Variants in NKD2 observed in about 807,000 individuals in gnomAD.
NKD2 encodes NKD inhibitor of Wnt signaling pathway 2.
NKD2 carries 43 observed loss-of-function variants against 34.8 expected under a neutral mutation model. The observed-to-expected ratio is 1.24, with a 90% CI of 0.97 to 1.60. The LOEUF is 1.60. Among genes scored for constraint, NKD2 ranks in the 40% most tolerant of loss-of-function variants. The pLI, the probability that NKD2 is intolerant of heterozygous loss-of-function variation, is 0.00. For missense variants in NKD2, 675 were observed against 627.1 expected, an observed-to-expected ratio of 1.08 and a Z score of -0.82; for synonymous variants, 278 against 265.1, an observed-to-expected ratio of 1.05 and a Z score of -0.47.
At chr5:1,033,576 A>G in intron 5 of NKD2, 77 bp downstream of exon 5, 1 of 1,451,928 alleles carries the variant, frequency 6.9e-7, no homozygotes, top group Non-Finnish European at 9.2e-7. Context: ...GTGTTGCCCT[A>G]AACTGGGCAT....
Position 1,038,257 on chromosome 5 carries a change from C to G in NKD2, c.1240C>G (p.Leu414Val). The G allele has an allele frequency of 1.3e-6, 2 of 1,582,014 alleles. No homozygotes were observed. The highest frequency in any genetic ancestry group is 8.6e-7 in the Non-Finnish European group (1 of 1,167,820). ...AGTGGAGCACGAGGTGGTGCGGGAC[C>G]TGCCGCCCACGCCAGCAGGAGAGGG... ...ATVEHEVVRDLPPTPAGEGYA... is the reference protein window; with the variant it reads ...ATVEHEVVRDVPPTPAGEGYA... The change falls in exon 10 of 10, where the codon CTG becomes GTG. Residue 414 changes from leucine (L) to valine (V), a missense_variant. Transcript: ENST00000296849. This position sits in a 1 kb window ranked among gnomAD's most constrained non-coding sequence, Gnocchi z 4.5.
intron 7 of NKD2, 143 bp from the exon 8 acceptor site, chr5:1,035,246 A>G (rs1457194966): frequency 1.4e-6 from 1 of 714,468 alleles, no homozygotes; most frequent in African/African-American, 1.8e-5. Context: ...GAATGAGTGA[A>G]CAAGTGAGTG....
intron 3 of NKD2, among the ~76,000 whole-genome samples, chr5:1,018,535 G>A (rs549384610): frequency 6.6e-6 from 1 of 152,280 alleles, no homozygotes; most frequent in South Asian, 2.1e-4. Flanking sequence ...GCTCACGTGT[G>A]TTGGGGGGAG....
At chr5:1,010,187 A>G (rs1755695119) in intron 3 of NKD2, among the ~76,000 whole-genome samples, 1 of 151,942 alleles carries the variant, frequency 6.6e-6, no homozygotes, top group Admixed American at 6.5e-5. Context: ...TGCTATGTCC[A>G]GGAGCAGAGA....
chr5:1,033,556 G>A, intron 5 of NKD2, 57 bp downstream of exon 5: 2 of 1,509,820 alleles, frequency 1.3e-6, no homozygotes, highest in Non-Finnish European at 1.8e-6. Context: ...GGGGGCTCAG[G>A]GACAGGCATG....
At chr5:1,015,172 C>T (rs951624551) in intron 3 of NKD2, among the ~76,000 whole-genome samples, 1 of 152,214 alleles carries the variant, frequency 6.6e-6, no homozygotes, top group South Asian at 2.1e-4. Context: ...TGCGTGAGTC[C>T]GTGAGCTTGT....
At position 1,036,247 on chromosome 5, in the gene NKD2, C is replaced by T. The variant is rs376572676; in HGVS notation, c.660-10C>T. 3.0e-5 allele frequency: 48 copies of T among 1,586,796 alleles called. No homozygotes were observed. In the African/African-American group the frequency reaches 5.7e-4, roughly 19 times the overall value. On this transcript the variant is annotated splice_polypyrimidine_tract_variant and intron_variant, in intron 8 of 9. Transcript: ENST00000296849. ...TGCGGGGGTCAGGCCCTTCTCTGTGCTCCAAGCAGGAGGCCCAGTACTGAC... is the reference window on the plus strand; with the variant it reads ...TGCGGGGGTCAGGCCCTTCTCTGTGTTCCAAGCAGGAGGCCCAGTACTGAC...
chr5:1,037,712 C>T (rs546600048), intron 9 of NKD2, 93 bp from the exon 10 acceptor site: 71 of 1,548,860 alleles, frequency 4.6e-5, no homozygotes, highest in South Asian at 2.0e-4. Context: ...GGACCCCTGG[C>T]GCAGCTCTTC....
chr5:1,020,489 G>C (rs978292651), intron 3 of NKD2, among the ~76,000 whole-genome samples: 6 of 152,174 alleles, frequency 3.9e-5, no homozygotes, highest in Admixed American at 6.5e-5. Context: ...CTCTGGGAGG[G>C]CTGTGGGTTC....
rs1031800811 is a variant in NKD2 at position 1,009,752 on chromosome 5, C to T, written c.141+192C>T. Among the ~76,000 whole-genome samples, 1 of 152,168 alleles carries T rather than the reference C, an allele frequency of 6.6e-6. No individual in the cohort carries two copies. The highest frequency in any genetic ancestry group is 1.5e-5 in the Non-Finnish European group (1 of 68,022). ...ACGTCTGGGGCTCCCGTGGGGCGAG[C>T]CCTTGCTAGTGTCCCATGCTGAGTG... On this transcript the variant is annotated intron_variant, in intron 3 of 9. Coordinates refer to ENST00000296849, the MANE Select transcript of NKD2 (RefSeq NM_033120.4). This position sits in a 1 kb window ranked among gnomAD's most constrained non-coding sequence, Gnocchi z 6.9.
At chr5:1,037,654 C>T in intron 9 of NKD2, 151 bp from the exon 10 acceptor site, 1 of 1,536,058 alleles carries the variant, frequency 6.5e-7, no homozygotes, top group Non-Finnish European at 8.7e-7. Flanking sequence ...CCCTTCAGGG[C>T]TGGTGGCCGT....
chr5:1,015,622 CAGGAAGCAGG>C (rs1024284086), intron 3 of NKD2, among the ~76,000 whole-genome samples: 19 of 152,186 alleles, frequency 1.2e-4, no homozygotes, highest in South Asian at 6.2e-4. Context: ...TCAGGAGCAT[CAGGAAGCAGG>C]AGGAAGCAGG....
chr5:1,036,640 G>A lies in NKD2; in HGVS notation c.787+256G>A, dbSNP rs141375596. The A allele has an allele frequency of 6.7e-3, 4,149 of 617,626 alleles. 101 individuals carry two copies. Among genetic ancestry groups the A allele is most frequent in the African/African-American group, 0.051 (2,831 of 55,726 alleles). The allele number at this position is 617,626 out of a possible 1,614,324, so 38.3% of individuals were successfully genotyped here. On this transcript the variant is annotated intron_variant, in intron 9 of 9. Transcript: ENST00000296849. Reference sequence around the variant, plus strand: ...TCCCGTCCAGGTGTGTGTATGTGGCGGATGCGGGGGTGCCTGGTTCAAAGT... The same window carrying A: ...TCCCGTCCAGGTGTGTGTATGTGGCAGATGCGGGGGTGCCTGGTTCAAAGT...
rs762388783 is a variant in NKD2 at position 1,036,334 on chromosome 5, A to G, written c.737A>G (p.His246Arg). ...CVDENTERRN[H>R]YLDLAGIENY... The stretch of plus-strand genomic sequence containing the variant: ...GACGAGAACACGGAGCGCAGAAACC[A>G]CTACCTGGACCTCGCCGGGATTGAG... The change falls in exon 9 of 10, where the codon CAC (histidine) becomes CGC (arginine). Residue 246 changes from histidine to arginine, a missense_variant. By Grantham distance (29) the His-to-Arg change is conservative. Coordinates refer to ENST00000296849, the MANE Select transcript of NKD2 (RefSeq NM_033120.4). 4 of 1,612,842 alleles carry G rather than the reference A, an allele frequency of 2.5e-6. No individual in the cohort carries two copies. The highest frequency in any genetic ancestry group is 3.4e-6 in the Non-Finnish European group (4 of 1,179,810).
At chr5:1,026,637 G>A (rs1756421881) in intron 3 of NKD2, among the ~76,000 whole-genome samples, 1 of 152,114 alleles carries the variant, frequency 6.6e-6, no homozygotes, top group African/African-American at 2.4e-5. Flanking sequence ...GGGTTCCTTG[G>A]GATCCAGACA....
In NKD2 at chr5:1,038,575, G is replaced by C. The variant is rs150049668; in HGVS notation, c.*202G>C. The C allele has an allele frequency of 2.0e-5, 21 of 1,048,566 alleles. No homozygotes were observed. The highest frequency in any genetic ancestry group is 2.8e-5 in the Non-Finnish European group (20 of 704,752). The allele number at this position is 1,048,566 out of a possible 1,614,324, so 65.0% of individuals were successfully genotyped here. Reference sequence around the variant, plus strand: ...CGTGGACAAGGCCCAGGCGCCCTCTGCTCTTCTGCCCTCGATGCCACATGG... The same window carrying C: ...CGTGGACAAGGCCCAGGCGCCCTCTCCTCTTCTGCCCTCGATGCCACATGG... On this transcript the variant is annotated 3_prime_UTR_variant, in exon 10 of 10. Transcript: ENST00000296849. This position sits in a 1 kb window ranked among gnomAD's most constrained non-coding sequence, Gnocchi z 4.5.
At chr5:1,027,479 GTC>G (rs1333910775) in intron 3 of NKD2, among the ~76,000 whole-genome samples, 6 of 152,130 alleles carry the variant, frequency 3.9e-5, no homozygotes, top group Admixed American at 2.0e-4. Context: ...CTTCCTCTCT[GTC>G]TCTCTCCTCC....
intron 3 of NKD2, among the ~76,000 whole-genome samples, chr5:1,016,927 C>CAAAGGATAACAGAGCCGACCCCAT (rs1560985063): frequency 1.3e-5 from 2 of 148,576 alleles, no homozygotes; most frequent in Non-Finnish European, 3.0e-5. Flanking sequence ...GCTGACCTCA[C>CAAAGGATAACAGAGCCGACCCCAT]CCTCCTTCCC....
At chr5:1,031,952 G>A (rs185246738) in intron 3 of NKD2, among the ~76,000 whole-genome samples, 200 bp from the exon 4 acceptor site, 222 of 152,356 alleles carry the variant, frequency 1.5e-3, no homozygotes, top group African/African-American at 4.9e-3. Context: ...GACAACACAG[G>A]AATGTCTGTG....
Sources: gnomAD v4.1 joint callset for allele counts (sites outside exome capture counted in the v4.1 genomes callset) on GRCh38, gnomAD v4.1.1 for gene constraint, Gnocchi (gnomAD v3.1) non-coding constraint, MANE v1.5 for transcripts, NCBI Gene and HGNC (gene_info 2026-07-23, HGNC 2026-07-21) for gene names.